The following ATRNL1 variants were observed in gnomAD, a reference collection of about 807,000 sequenced individuals.
The protein encoded by ATRNL1 is attractin like 1, also known as attractin-like protein 1.
In ATRNL1, 95 loss-of-function variants were observed where a neutral mutation model predicts 182.7. That is an observed-to-expected ratio of 0.52 (90% CI 0.44 to 0.62). The LOEUF (loss-of-function observed/expected upper bound fraction) is 0.62. ATRNL1 is among the 20% of genes least tolerant of loss of function. The pLI, the probability that ATRNL1 is intolerant of heterozygous loss-of-function variation, is 0.00. For synonymous variants in ATRNL1, 576 were observed against 568.3 expected, an observed-to-expected ratio of 1.01 and a Z score of -0.19; for missense variants, 1,471 against 1,679.5, an observed-to-expected ratio of 0.88 and a Z score of 2.17.
At chr10:115,766,979 T>C (rs2134158127) in intron 27 of ATRNL1, among the ~76,000 whole-genome samples, 1 of 152,318 alleles carries the variant, frequency 6.6e-6, no homozygotes, top group East Asian at 1.9e-4. Flanking sequence ...ATTTGCTCTC[T>C]CTACATCACT....
intron 27 of ATRNL1, among the ~76,000 whole-genome samples, chr10:115,779,195 T>G (rs2134184758): frequency 6.6e-6 from 1 of 152,288 alleles, no homozygotes; most frequent in Admixed American, 6.5e-5. Flanking sequence ...ATGGTGCTTC[T>G]AATAGAAATG....
At chr10:115,241,478 C>G (rs2133819540) in intron 9 of ATRNL1, 93 bp from the exon 10 acceptor site, 1 of 734,108 alleles carries the variant, frequency 1.4e-6, no homozygotes, top group African/African-American at 1.8e-5. Context: ...CCAGGGAAAC[C>G]TCTATATGCA....
intron 27 of ATRNL1, among the ~76,000 whole-genome samples, chr10:115,766,059 C>G (rs565753488): frequency 2.0e-5 from 3 of 152,236 alleles, no homozygotes; most frequent in African/African-American, 7.2e-5. Context: ...AACTTCACTC[C>G]TGTCACATAT....
chr10:115,424,427 C>T (rs1845788492), intron 20 of ATRNL1, among the ~76,000 whole-genome samples: 1 of 152,198 alleles, frequency 6.6e-6, no homozygotes, highest in African/African-American at 2.4e-5. Context: ...AATCTCACTA[C>T]TGGATATTTA....
intron 10 of ATRNL1, among the ~76,000 whole-genome samples, chr10:115,253,138 G>C (rs1850952713): frequency 6.6e-6 from 1 of 152,150 alleles, no homozygotes; most frequent in African/African-American, 2.4e-5. Context: ...ATGTTAATTG[G>C]GAGTACCCTT....
intron 8 of ATRNL1, among the ~76,000 whole-genome samples, chr10:115,181,561 A>T (rs1592222128): frequency 6.6e-6 from 1 of 151,914 alleles, no homozygotes; most frequent in East Asian, 1.9e-4. Context: ...AAAATGAAAG[A>T]TACACTGTGG....
intron 27 of ATRNL1, among the ~76,000 whole-genome samples, chr10:115,797,918 CT>C (rs138302775): frequency 6.6e-6 from 1 of 151,330 alleles, no homozygotes; most frequent in East Asian, 1.9e-4. Context: ...TCTCAGAGAC[CT>C]TTTTTTTTCT....
At chr10:115,662,466 T>C (rs575593227) in intron 26 of ATRNL1, among the ~76,000 whole-genome samples, 18 of 152,136 alleles carry the variant, frequency 1.2e-4, no homozygotes, top group Non-Finnish European at 2.5e-4. Flanking sequence ...ACTGGTTATA[T>C]ACCCAAAATT....
At chr10:115,803,172 G>C (rs1949837629) in intron 27 of ATRNL1, among the ~76,000 whole-genome samples, 1 of 152,130 alleles carries the variant, frequency 6.6e-6, no homozygotes, top group African/African-American at 2.4e-5. Flanking sequence ...TTAATGACTT[G>C]AAATTGCTTG....
chr10:115,780,315 A>G (rs1314383377), intron 27 of ATRNL1, among the ~76,000 whole-genome samples: 1 of 152,220 alleles, frequency 6.6e-6, no homozygotes, highest in Non-Finnish European at 1.5e-5. Context: ...GAAATTGAGT[A>G]TTAGCAAGCC....
chr10:115,835,898 C>G (rs1454329361), intron 27 of ATRNL1, among the ~76,000 whole-genome samples: 1 of 152,200 alleles, frequency 6.6e-6, no homozygotes, highest in African/African-American at 2.4e-5. Flanking sequence ...GAACCACCCA[C>G]TCAGGCAGAG....
At position 115,214,051 on chromosome 10, in the gene ATRNL1, C is replaced by CAG. The variant is rs1489600241; in HGVS notation, c.1349-1645_1349-1644insGA. 7.3e-5 allele frequency among the ~76,000 whole-genome samples: 11 copies of CAG among 150,764 alleles called. No individual in the cohort carries two copies. In the East Asian group the frequency reaches 2.1e-3, roughly 29 times the overall value. ...TTTAGTACAAATATGTACACACACA[C>CAG]ACACACACACACACACATATATATA... is the stretch of plus-strand genomic sequence containing the variant. On this transcript the variant is annotated intron_variant, in intron 8 of 28. Transcript: ENST00000355044.
chr10:115,897,112 T>C (rs1952226953), intron 28 of ATRNL1, among the ~76,000 whole-genome samples: 1 of 152,106 alleles, frequency 6.6e-6, no homozygotes, highest in South Asian at 2.1e-4. Context: ...AGGAAGTGAA[T>C]GGGCAATTAT....
At chr10:115,375,765 G>A (rs1039325417) in intron 19 of ATRNL1, among the ~76,000 whole-genome samples, 3 of 151,938 alleles carry the variant, frequency 2.0e-5, no homozygotes, top group Non-Finnish European at 4.4e-5. Flanking sequence ...TGTAATTGAT[G>A]TCAACTTATT....
intron 27 of ATRNL1, among the ~76,000 whole-genome samples, chr10:115,835,545 C>T (rs889532674): frequency 2.6e-5 from 4 of 152,130 alleles, no homozygotes; most frequent in Non-Finnish European, 4.4e-5. Context: ...AATAATATAG[C>T]GGCCTCAGAA....
chr10:115,374,548 T>G (rs1361260660), intron 19 of ATRNL1, among the ~76,000 whole-genome samples: 2 of 151,044 alleles, frequency 1.3e-5, no homozygotes, highest in Non-Finnish European at 3.0e-5. Flanking sequence ...CTCTTTCTTC[T>G]TCTTTGTTTC....
At chr10:115,918,136 C>G (rs1416651737) in intron 28 of ATRNL1, among the ~76,000 whole-genome samples, 3 of 23,256 alleles carry the variant, frequency 1.3e-4, no homozygotes, top group African/African-American at 6.0e-4. Flanking sequence ...AAGTCTTGCT[C>G]TGTAGCCCAG....
chr10:115,887,097 C>T (rs1237959536), intron 28 of ATRNL1, among the ~76,000 whole-genome samples: 1 of 152,114 alleles, frequency 6.6e-6, no homozygotes, highest in Non-Finnish European at 1.5e-5. Flanking sequence ...TCATCATGGA[C>T]CCCACACCAG....
At chr10:115,336,550 TATGAG>T (rs1372724367) in intron 19 of ATRNL1, among the ~76,000 whole-genome samples, 4 of 152,214 alleles carry the variant, frequency 2.6e-5, no homozygotes, top group African/African-American at 9.6e-5. Context: ...AAAAATATAC[TATGAG>T]ATGTTTTCAT....
Sources: gnomAD v4.1 joint callset for allele counts (sites outside exome capture counted in the v4.1 genomes callset) on GRCh38, gnomAD v4.1.1 for gene constraint, MANE v1.5 for transcripts, NCBI Gene and HGNC (gene_info 2026-07-23, HGNC 2026-07-21) for gene names.